The following GALNT11 variants were observed in gnomAD, a reference collection of about 807,000 sequenced individuals.
The protein encoded by GALNT11 is polypeptide N-acetylgalactosaminyltransferase 11.
In GALNT11, 47 loss-of-function variants were observed where a neutral mutation model predicts 72.7. That is an observed-to-expected ratio of 0.65 (90% confidence interval 0.51 to 0.82). GALNT11 has a LOEUF of 0.82. Ranked by LOEUF, GALNT11 falls within the 40% of genes least tolerant of loss-of-function variation. The pLI, the probability that GALNT11 is intolerant of heterozygous loss-of-function variation, is 0.00. For missense variants in GALNT11, 677 were observed against 778.4 expected (o/e 0.87, Z 1.55); for synonymous variants, 270 against 286.6 (o/e 0.94, Z 0.58).
chr7:152,100,750 A>T lies in GALNT11; in HGVS notation c.296-48A>T, dbSNP rs755245810. ...AGATCATAATATCGTTAACAGTAAC[A>T]TGATACTTTCTAGATTTAATTCGCT... On this transcript the variant is annotated intron_variant, in intron 2 of 11. Coordinates refer to ENST00000430044, the MANE Select transcript of GALNT11 (RefSeq NM_022087.4). 3 of 1,601,986 alleles carry T rather than the reference A, an allele frequency of 1.9e-6. No individual in the cohort carries two copies. In the Admixed American group the frequency reaches 5.0e-5, roughly 27 times the overall value.
intron 1 of GALNT11, among the ~76,000 whole-genome samples, chr7:152,070,987 C>A (rs2084606017): frequency 6.6e-6 from 1 of 152,028 alleles, no homozygotes; most frequent in Non-Finnish European, 1.5e-5. Flanking sequence ...AGGGAGTGTG[C>A]AAATAGGTGT....
chr7:152,112,514 G>A (rs2088347540), intron 7 of GALNT11, among the ~76,000 whole-genome samples: 1 of 151,824 alleles, frequency 6.6e-6, no homozygotes, highest in Non-Finnish European at 1.5e-5. Flanking sequence ...TCTAGCCGGG[G>A]GGACAAGAGC....
intron 1 of GALNT11, among the ~76,000 whole-genome samples, chr7:152,034,383 A>C (rs2082454156): frequency 6.6e-6 from 1 of 152,218 alleles, no homozygotes; most frequent in Admixed American, 6.5e-5. Context: ...GTCAAGCTTC[A>C]GGATAGTATT....
intron 1 of GALNT11, among the ~76,000 whole-genome samples, chr7:152,040,008 T>C (rs1264655166): frequency 6.6e-6 from 1 of 152,102 alleles, no homozygotes; most frequent in African/African-American, 2.4e-5. Flanking sequence ...TTTTTGCAAC[T>C]GCCGTTTCAG....
At position 152,058,616 on chromosome 7, in the gene GALNT11, G is replaced by A. The variant is rs150392510; in HGVS notation, c.-39+32732G>A. 7.2e-4 allele frequency among the ~76,000 whole-genome samples: 109 copies of A among 152,262 alleles called. No homozygotes were observed. In the East Asian group the frequency reaches 0.012, roughly 17 times the overall value. The stretch of plus-strand genomic sequence containing the variant: ...CTCCCAAACTGCTGGGATTACAGGC[G>A]TGAGCCACTGTGCCTGGCCAAGTTC... On this transcript the variant is annotated intron_variant, in intron 1 of 11. Coordinates refer to ENST00000430044, the MANE Select transcript of GALNT11 (RefSeq NM_022087.4).
At chr7:152,118,373 G>A in intron 9 of GALNT11, 1 of 298,352 alleles carries the variant, frequency 3.4e-6, no homozygotes, top group Non-Finnish European at 6.2e-6. Flanking sequence ...CTTTAGGGCA[G>A]GGATGACATT....
chr7:152,104,233 T>A (rs1403356974), intron 4 of GALNT11: 1 of 152,230 alleles, frequency 6.6e-6, no homozygotes, highest in Non-Finnish European at 1.5e-5. Context: ...AGAGTGGAAA[T>A]GAGACCTCTG....
chr7:152,036,157 G>A (rs1477767429), intron 1 of GALNT11, among the ~76,000 whole-genome samples: 1 of 152,110 alleles, frequency 6.6e-6, no homozygotes, highest in African/African-American at 2.4e-5. Context: ...GTTGACTGTA[G>A]TCATGCTGTT....
At chr7:152,045,202 AT>A (rs201529967) in intron 1 of GALNT11, among the ~76,000 whole-genome samples, 13 of 151,144 alleles carry the variant, frequency 8.6e-5, no homozygotes, top group East Asian at 5.8e-4. Flanking sequence ...TTTGTTGAGG[AT>A]TTTTTTTTAT....
chr7:152,041,495 G>T, intron 1 of GALNT11, among the ~76,000 whole-genome samples: 1 of 152,184 alleles, frequency 6.6e-6, no homozygotes. Context: ...CAAATAAGGA[G>T]TTAGAGTCCA....
Position 152,103,127 on chromosome 7 carries a change from C to G in GALNT11, c.435C>G (p.Phe145Leu), listed in dbSNP as rs1480246010. The G allele has an allele frequency of 2.5e-6, 4 of 1,607,710 alleles. No homozygotes were observed. Among genetic ancestry groups the G allele is most frequent in the Admixed American group, 1.7e-5 (1 of 59,928 alleles). The change falls in exon 4 of 12, where the codon TTC becomes TTG. Residue 145 changes from phenylalanine to leucine, a missense_variant. Coordinates refer to ENST00000430044, the MANE Select transcript of GALNT11 (RefSeq NM_022087.4). ...ATCTTTACAGATGTAAAGAAAAGTTCTACCCACCTGACCTGCCAGCTGCTA... is the reference window on the plus strand; with the variant it reads ...ATCTTTACAGATGTAAAGAAAAGTTGTACCCACCTGACCTGCCAGCTGCTA... ...DTRNAACKEKFYPPDLPAASV... is the reference protein window; with the variant it reads ...DTRNAACKEKLYPPDLPAASV...
chr7:152,038,680 G>T (rs1158033455), intron 1 of GALNT11, among the ~76,000 whole-genome samples: 1 of 152,208 alleles, frequency 6.6e-6, no homozygotes, highest in Non-Finnish European at 1.5e-5. Flanking sequence ...GCTACTTCTT[G>T]CAGGAGTCAG....
chr7:152,038,946 C>G (rs1225715336), intron 1 of GALNT11, among the ~76,000 whole-genome samples: 1 of 152,086 alleles, frequency 6.6e-6, no homozygotes, highest in Non-Finnish European at 1.5e-5. Context: ...TTTATTCTTT[C>G]CTAAATTTTG....
intron 1 of GALNT11, among the ~76,000 whole-genome samples, chr7:152,060,272 A>C (rs74489257): frequency 6.6e-6 from 1 of 152,182 alleles, no homozygotes; most frequent in South Asian, 2.1e-4. Flanking sequence ...TTGATCTTCT[A>C]TCTGGAGCAC....
chr7:152,105,170 C>A (rs539281579), intron 4 of GALNT11, 75 bp from the exon 5 acceptor site: 73 of 1,484,366 alleles, frequency 4.9e-5, no homozygotes, highest in South Asian at 4.3e-4. Flanking sequence ...GTACTAGATA[C>A]AACTTTAGAA....
Position 152,094,870 on chromosome 7 carries a change from G to C in GALNT11, c.295+348G>C, listed in dbSNP as rs897538882. 6.6e-6 allele frequency among the ~76,000 whole-genome samples: 1 copy of C among 152,122 alleles called. No homozygotes were observed. Among genetic ancestry groups the C allele is most frequent in the African/African-American group, 2.4e-5 (1 of 41,430 alleles). On this transcript the variant is annotated intron_variant, in intron 2 of 11. Transcript: ENST00000430044. The surrounding 1 kb of genome is among the most constrained non-coding windows in gnomAD (Gnocchi z 4.3). ...TTGCCCAGGCTGTCCCCGAATTCTT[G>C]GGCTCAAGCTGCCCTCCCACCTCAA...
chr7:152,099,006 A>ACAAC (rs2086574169), intron 2 of GALNT11, among the ~76,000 whole-genome samples: 1 of 152,166 alleles, frequency 6.6e-6, no homozygotes, highest in South Asian at 2.1e-4. Flanking sequence ...GTACAGTGGC[A>ACAAC]TGATCTTGGC....
At chr7:152,096,802 CCAGAA>C (rs2086416447) in intron 2 of GALNT11, among the ~76,000 whole-genome samples, 1 of 151,472 alleles carries the variant, frequency 6.6e-6, no homozygotes, top group South Asian at 2.1e-4. Context: ...GGTTCAGTAT[CCAGAA>C]TATATAAAGA....
At chr7:152,065,299 T>A (rs1017677129) in intron 1 of GALNT11, among the ~76,000 whole-genome samples, 1 of 152,224 alleles carries the variant, frequency 6.6e-6, no homozygotes, top group Non-Finnish European at 1.5e-5. Flanking sequence ...GGTTTTCAGC[T>A]CCATCAGGTC....
Sources: allele counts gnomAD v4.1 joint callset (sites outside exome capture counted in the v4.1 genomes callset), GRCh38; gene constraint gnomAD v4.1.1; non-coding constraint Gnocchi (gnomAD v3.1); transcripts MANE v1.5; gene names NCBI Gene and HGNC (gene_info 2026-07-23, HGNC 2026-07-21).